The following ZFC3H1 variants were observed in gnomAD, a reference collection of about 807,000 sequenced individuals.
ZFC3H1 encodes the protein zinc finger C3H1-type containing.
A neutral mutation model predicts 243.7 loss-of-function variants in ZFC3H1; 71 were observed. The ratio of observed to expected loss-of-function variants is 0.29; its 90% CI spans 0.24 to 0.36. ZFC3H1 has a LOEUF of 0.36. ZFC3H1 is among the 10% of genes least tolerant of loss of function. The pLI, the probability that ZFC3H1 is intolerant of heterozygous loss-of-function variation, is 1.00. For synonymous variants in ZFC3H1, 838 were observed against 813.0 expected (o/e 1.03, Z -0.52); for missense variants, 1,966 against 2,317.1 (o/e 0.85, Z 3.11).
Position 71,645,141 on chromosome 12 carries a change from G to A in ZFC3H1, c.1081-66C>T, listed in dbSNP as rs890231439. On this transcript the variant is annotated intron_variant, in intron 3 of 34. Transcript: ENST00000378743. ...TTATTTAGCTTACACATTTCATCAA[G>A]TCAAATCCTTTATGATAAAAATTTG... 7 of 1,418,906 alleles carry A rather than the reference G, an allele frequency of 4.9e-6. No individual in the cohort carries two copies. The Admixed American group carries it at 1.6e-4, about 33-fold the overall frequency. The allele number at this position is 1,418,906 out of a possible 1,614,324, so 87.9% of individuals were successfully genotyped here.
In ZFC3H1 at chr12:71,630,958, A is replaced by G. The variant is rs773180583; in HGVS notation, c.3471-4T>C. 1.0e-5 allele frequency: 16 copies of G among 1,602,428 alleles called. No homozygotes were observed. Among genetic ancestry groups the G allele is most frequent in the Non-Finnish European group, 1.2e-5 (14 of 1,172,234 alleles). The stretch of plus-strand genomic sequence containing the variant: ...GGTTCGATAATATGGACTAAATCTA[A>G]GGTGAAGAGAGTGAACAGGTATATT... On this transcript the variant is annotated splice_polypyrimidine_tract_variant and splice_region_variant and intron_variant, in intron 16 of 34. Transcript: ENST00000378743.
At chr12:71,660,351 C>G (rs181733297) in intron 1 of ZFC3H1, 253 of 152,250 alleles carry the variant, frequency 1.7e-3, no homozygotes, top group African/African-American at 5.7e-3. Context: ...AACACCACCT[C>G]TAGGATGGAT....
At chr12:71,655,879 C>G (rs1881003920) in intron 2 of ZFC3H1, among the ~76,000 whole-genome samples, 1 of 152,078 alleles carries the variant, frequency 6.6e-6, no homozygotes, top group Non-Finnish European at 1.5e-5. Flanking sequence ...CACTAGCAAA[C>G]CTTCATTTGT....
At position 71,632,241 on chromosome 12, in the gene ZFC3H1, C is replaced by T; in HGVS notation, c.3091G>A (p.Val1031Ile). 1 of 1,611,812 alleles carries T rather than the reference C, an allele frequency of 6.2e-7. No homozygotes were observed. The highest frequency in any genetic ancestry group is 8.5e-7 in the Non-Finnish European group (1 of 1,179,286). ...GAACCAGACAAAATTTCATCATCAA[C>T]ATCATTTTCTTCAGTGTCCAGGGTT... ...KLTLDTEEND[V>I]DDEILSGSSR... is the part of the protein sequence containing the mutation. The change falls in exon 15 of 35, where the codon GTT (valine) becomes ATT (isoleucine). Residue 1031 changes from valine (V) to isoleucine (I), a missense_variant. Coordinates refer to ENST00000378743, the MANE Select transcript of ZFC3H1 (RefSeq NM_144982.5).
At chr12:71,633,568 G>C in intron 12 of ZFC3H1, 130 bp from the exon 13 acceptor site, 1 of 653,892 alleles carries the variant, frequency 1.5e-6, no homozygotes, top group Non-Finnish European at 2.5e-6. Context: ...AAATGTAAAG[G>C]GATGAATATT....
intron 4 of ZFC3H1, 73 bp downstream of exon 4, chr12:71,644,804 G>T: frequency 6.5e-7 from 1 of 1,533,304 alleles, no homozygotes; most frequent in Non-Finnish European, 8.8e-7. Context: ...GGCGACAAGA[G>T]CAAAACTCTG....
At chr12:71,658,978 G>A (rs61519544) in intron 1 of ZFC3H1, among the ~76,000 whole-genome samples, 1 of 152,046 alleles carries the variant, frequency 6.6e-6, no homozygotes, top group Non-Finnish European at 1.5e-5. Context: ...ACCCCTCTGA[G>A]AATCTGACAC....
At chr12:71,648,443 A>T (rs1339988443) in intron 2 of ZFC3H1, among the ~76,000 whole-genome samples, 1 of 152,226 alleles carries the variant, frequency 6.6e-6, no homozygotes, top group Non-Finnish European at 1.5e-5. Context: ...AAGTTACAGA[A>T]TATCTACAAT....
chr12:71,611,929 G>A lies in ZFC3H1; in HGVS notation c.5628-42C>T, dbSNP rs150000815. Reference sequence around the variant, plus strand: ...GGAAAATGAACAAAGCATTGCAAGTGTAACGAACCCCAAATGTGCTCTATG... The same window carrying A: ...GGAAAATGAACAAAGCATTGCAAGTATAACGAACCCCAAATGTGCTCTATG... On this transcript the variant is annotated intron_variant, in intron 31 of 34. Transcript: ENST00000378743. 3 of 1,300,864 alleles carry A rather than the reference G, an allele frequency of 2.3e-6. No homozygotes were observed. In the South Asian group the frequency reaches 3.8e-5, roughly 17 times the overall value. 80.6% of individuals were successfully genotyped at this position (1,300,864 alleles called of 1,614,324 possible). A position where few individuals can be genotyped will look rare whatever the true frequency, so the allele number is the denominator to read the frequency against.
intron 27 of ZFC3H1, among the ~76,000 whole-genome samples, chr12:71,618,939 G>T (rs1280599): frequency 0.97 from 147,467 of 152,292 alleles, 71,580 homozygotes; most frequent in Middle Eastern, 1. Flanking sequence ...ATTATTTATA[G>T]TCACTTTGAT....
Position 71,631,856 on chromosome 12 carries a change from G to C in ZFC3H1, c.3392C>G (p.Ala1131Gly). The C allele has an allele frequency of 1.2e-6, 2 of 1,613,602 alleles. No homozygotes were observed. The highest frequency in any genetic ancestry group is 1.7e-6 in the Non-Finnish European group (2 of 1,179,758). The change falls in exon 16 of 35, where the codon GCA becomes GGA. Residue 1131 changes from alanine to glycine, a missense_variant. Ala to Gly is a moderately conservative substitution (Grantham distance 60, BLOSUM62 0). Coordinates refer to ENST00000378743, the MANE Select transcript of ZFC3H1 (RefSeq NM_144982.5). ...EISVDVDFVT[A>G]QSKTMEVKPC... ...CTTCACTTCCATTGTTTTACTTTGT[G>C]CTGTGACAAAATCCACATCTACAGA...
Position 71,619,477 on chromosome 12 carries a change from GA to G in ZFC3H1, c.5050-69del, listed in dbSNP as rs1000066041. The G allele has an allele frequency of 1.8e-5, 26 of 1,462,488 alleles. No homozygotes were observed. The East Asian group carries it at 4.5e-4, about 25-fold the overall frequency. The allele number at this position is 1,462,488 out of a possible 1,614,324, so 90.6% of individuals were successfully genotyped here. A position where few individuals can be genotyped will look rare whatever the true frequency, so the allele number is the denominator to read the frequency against. ...TGTTTAATTAAAATGTCACGAGGGA[GA>G]AAAAAAGCCTTAAAAAAGTACTCAT... On this transcript the variant is annotated intron_variant, in intron 26 of 34. Transcript: ENST00000378743.
chr12:71,658,953 A>AT (rs1028286683), intron 1 of ZFC3H1, among the ~76,000 whole-genome samples: 29 of 151,388 alleles, frequency 1.9e-4, no homozygotes, highest in Non-Finnish European at 3.5e-4. Flanking sequence ...TTCAAACTTT[A>AT]TTTTTTTTTA....
intron 2 of ZFC3H1, among the ~76,000 whole-genome samples, chr12:71,654,432 TC>T (rs1880966189): frequency 6.6e-6 from 1 of 152,114 alleles, no homozygotes; most frequent in African/African-American, 2.4e-5. Context: ...CACAGTGAGA[TC>T]TTATCTAAAA....
chr12:71,636,892 T>C lies in ZFC3H1; in HGVS notation c.1893A>G (p.Glu631=), dbSNP rs1165419875. The C allele has an allele frequency of 2.5e-6, 4 of 1,613,890 alleles. No individual in the cohort carries two copies. Among genetic ancestry groups the C allele is most frequent in the Non-Finnish European group, 3.4e-6 (4 of 1,179,962 alleles). Residue 631 remains glutamate, a synonymous_variant, in exon 8 of 35, where the codon GAA becomes GAG. Transcript: ENST00000378743. ...TTTTATTTGCTAGAGATTTAAGTAG[T>C]TCTTCTCGAAGCAGCATTTCTTCCT... ...EEEEEMLLRE[E]LLKSLANKRA...
chr12:71,611,815 A>G lies in ZFC3H1; in HGVS notation c.5700T>C (p.Asn1900=), dbSNP rs1434778926. 6.2e-7 allele frequency: 1 copy of G among 1,610,642 alleles called. No individual in the cohort carries two copies. The highest frequency in any genetic ancestry group is 8.5e-7 in the Non-Finnish European group (1 of 1,177,752). Residue 1900 remains asparagine, a synonymous_variant, in exon 32 of 35, where the codon AAT becomes AAC. Coordinates refer to ENST00000378743, the MANE Select transcript of ZFC3H1 (RefSeq NM_144982.5). ...LKLQAKMFTY[N]IPTCLATWKI... ...TCCAGGTGGCCAGGCATGTTGGGAT[A>G]TTATATGTAAACATCTTGGCTTGAA...
chr12:71,653,640 T>C (rs1880944581), intron 2 of ZFC3H1, among the ~76,000 whole-genome samples: 2 of 152,352 alleles, frequency 1.3e-5, no homozygotes, highest in South Asian at 4.1e-4. Flanking sequence ...AGAAAAAAGA[T>C]TATCTTCAAA....
At chr12:71,645,744 C>T (rs1182019778) in intron 3 of ZFC3H1, among the ~76,000 whole-genome samples, 5 of 152,160 alleles carry the variant, frequency 3.3e-5, no homozygotes, top group African/African-American at 1.2e-4. Context: ...ATGTTAAAAG[C>T]AGATGTCTGA....
chr12:71,633,473 T>A, intron 12 of ZFC3H1, 35 bp from the exon 13 acceptor site: 2 of 1,496,590 alleles, frequency 1.3e-6, no homozygotes, highest in Non-Finnish European at 9.0e-7. Context: ...TGTTAATGTT[T>A]CCCTACAAGA....
Sources: gnomAD v4.1 joint callset for allele counts (sites outside exome capture counted in the v4.1 genomes callset) on GRCh38, gnomAD v4.1.1 for gene constraint, MANE v1.5 for transcripts, NCBI Gene and HGNC (gene_info 2026-07-23, HGNC 2026-07-21) for gene names.